The following AVEN variants were observed in gnomAD, a reference collection of about 807,000 sequenced individuals.
The protein encoded by AVEN is cell death regulator Aven.
A neutral mutation model predicts 38.1 loss-of-function variants in AVEN; 41 were observed. That is an observed-to-expected ratio of 1.08 (90% confidence interval 0.84 to 1.40). The LOEUF (loss-of-function observed/expected upper bound fraction) is 1.40, where lower values mean the gene tolerates loss of function less well. Among genes scored for constraint, AVEN ranks in the 40% most tolerant of loss-of-function variants. The probability of loss-of-function intolerance (pLI) is 0.00; values close to 1 mark genes in which losing one functional copy is unlikely to be tolerated. For synonymous variants in AVEN, 206 were observed against 171.8 expected, an observed-to-expected ratio of 1.20 and a Z score of -1.56; for missense variants, 605 against 438.8, an observed-to-expected ratio of 1.38 and a Z score of -3.38.
chr15:34,046,095 T>C (rs1899671451), intron 5 of AVEN, among the ~76,000 whole-genome samples: 2 of 152,240 alleles, frequency 1.3e-5, no homozygotes, highest in East Asian at 1.9e-4. Flanking sequence ...TAACCACTTA[T>C]ATTTCATTTG....
In AVEN at chr15:34,063,900, A is replaced by T. The variant is rs1246594524; in HGVS notation, n.1127-468T>A. On this transcript the variant is annotated intron_variant and non_coding_transcript_variant, in intron 4 of 11. Transcript: ENST00000675287. The surrounding 1 kb of genome is among the most constrained non-coding windows in gnomAD (Gnocchi z 4.1). ...AGCTGACGGGAACCAGGAGACCAAC[A>T]ATGGCTGTCACAAGGTGAAAATCAT... The T allele has an allele frequency of 6.2e-7, 1 of 1,614,074 alleles. No homozygotes were observed. The highest frequency in any genetic ancestry group is 8.5e-7 in the Non-Finnish European group (1 of 1,180,034).
At chr15:33,951,559 A>G (rs1235851967) in intron 2 of AVEN, among the ~76,000 whole-genome samples, 1 of 148,972 alleles carries the variant, frequency 6.7e-6, no homozygotes, top group Non-Finnish European at 1.5e-5. Context: ...CTTAAAGTAT[A>G]ATAAAAAAAA....
At chr15:33,889,560 T>TA (rs1319957560) in intron 2 of AVEN, among the ~76,000 whole-genome samples, 1 of 149,924 alleles carries the variant, frequency 6.7e-6, no homozygotes, top group Non-Finnish European at 1.5e-5. Context: ...TTCCCCCTCC[T>TA]ATTCAACCCA....
intron 3 of AVEN, among the ~76,000 whole-genome samples, chr15:33,874,209 C>A (rs922583916): frequency 1.3e-5 from 2 of 152,098 alleles, no homozygotes; most frequent in Non-Finnish European, 2.9e-5. Flanking sequence ...CTAATTTAGT[C>A]CTTCTTATAA....
chr15:33,859,839 C>G (rs918300994), intron 11 of AVEN: 1 of 1,234,298 alleles, frequency 8.1e-7, no homozygotes, highest in Non-Finnish European at 1.1e-6. Flanking sequence ...AATTCATTTA[C>G]TTGTTAATTT....
intron 5 of AVEN, among the ~76,000 whole-genome samples, chr15:34,052,261 C>G (rs1175090793): frequency 6.6e-6 from 1 of 152,156 alleles, no homozygotes; most frequent in African/African-American, 2.4e-5. Context: ...ATGATTATCT[C>G]CATAGATGCA....
At chr15:33,915,890 G>C (rs752353038) in intron 2 of AVEN, among the ~76,000 whole-genome samples, 9 of 152,090 alleles carry the variant, frequency 5.9e-5, no homozygotes, top group Non-Finnish European at 1.0e-4. Flanking sequence ...GTGGGAGCTG[G>C]GTAAGGGCTT....
chr15:33,958,354 T>C (rs1452230215), intron 2 of AVEN, among the ~76,000 whole-genome samples: 1 of 151,930 alleles, frequency 6.6e-6, no homozygotes, highest in Non-Finnish European at 1.5e-5. Context: ...CAGAGGTGGG[T>C]GGATCGCTTA....
intron 1 of AVEN, among the ~76,000 whole-genome samples, chr15:34,017,488 T>TTTG (rs1567469636): frequency 1.8e-4 from 14 of 77,458 alleles, no homozygotes; most frequent in African/African-American, 4.0e-4. Flanking sequence ...TTTTTTGTTT[T>TTTG]TTTTTTTTTT....
chr15:34,014,550 C>A (rs976618932), intron 1 of AVEN, among the ~76,000 whole-genome samples: 3 of 152,000 alleles, frequency 2.0e-5, no homozygotes, highest in Non-Finnish European at 4.4e-5. Context: ...TCCACAAAGT[C>A]CCAAAGATGA....
chr15:33,919,464 T>C (rs578161458), intron 2 of AVEN, among the ~76,000 whole-genome samples: 18 of 152,272 alleles, frequency 1.2e-4, no homozygotes, highest in East Asian at 3.9e-4. Flanking sequence ...TTATTAAAAG[T>C]AGAAATGCCC....
chr15:33,888,700 G>C lies in AVEN; in HGVS notation c.446-12705C>G, dbSNP rs72716842. 1.5e-3 allele frequency among the ~76,000 whole-genome samples: 222 copies of C among 152,118 alleles called. 2 individuals are homozygous for C. Among genetic ancestry groups the C allele is most frequent in the South Asian group, 2.1e-3 (10 of 4,812 alleles). The stretch of plus-strand genomic sequence containing the variant: ...TATTTAATATTTATTTATATCCAGT[G>C]TGATTAATATTAATTTTAAATTGCC... On this transcript the variant is annotated intron_variant, in intron 2 of 5. Transcript: ENST00000306730.
chr15:33,928,524 G>C (rs752551366), intron 2 of AVEN, among the ~76,000 whole-genome samples: 5 of 152,156 alleles, frequency 3.3e-5, no homozygotes, highest in African/African-American at 4.8e-5. Flanking sequence ...TAGTACAAGA[G>C]GTTGAGGCTG....
intron 2 of AVEN, among the ~76,000 whole-genome samples, chr15:33,967,268 T>A (rs1895425150): frequency 6.6e-6 from 1 of 152,146 alleles, no homozygotes; most frequent in South Asian, 2.1e-4. Context: ...AATTAAAGTG[T>A]ATACTTTGTC....
intron 2 of AVEN, among the ~76,000 whole-genome samples, chr15:33,973,999 A>G (rs1895760805): frequency 6.6e-6 from 1 of 152,244 alleles, no homozygotes; most frequent in Admixed American, 6.5e-5. Flanking sequence ...AAAGTAGTTT[A>G]TACTGAAATA....
intron 2 of AVEN, among the ~76,000 whole-genome samples, chr15:33,917,836 A>G (rs1748427769): frequency 6.6e-6 from 1 of 152,178 alleles, no homozygotes; most frequent in Admixed American, 6.5e-5. Context: ...GGTAAGGGAT[A>G]AGACTACACA....
At chr15:34,042,792 A>G (rs982160439), upstream of AVEN, among the ~76,000 whole-genome samples, 1 of 152,162 alleles carries the variant, frequency 6.6e-6, no homozygotes, top group African/African-American at 2.4e-5. Context: ...TCACCTGGGA[A>G]CTTGTTAGAA....
At position 34,039,053 on chromosome 15, in the gene AVEN, G is replaced by T. The variant is rs1220087643; in HGVS notation, c.-7C>A. 6 of 1,100,422 alleles carry T rather than the reference G, an allele frequency of 5.5e-6. No homozygotes were observed. Among genetic ancestry groups the T allele is most frequent in the Admixed American group, 5.2e-5 (1 of 19,340 alleles). The allele number at this position is 1,100,422 out of a possible 1,614,324, so 68.2% of individuals were successfully genotyped here. On this transcript the variant is annotated 5_prime_UTR_variant, in exon 1 of 6. Transcript: ENST00000306730. ...CTCCTCGCTCCGCCTGCATCTGGCC[G>T]CCGCTGGCGGTGCTGAGCGCGCGGG...
chr15:34,039,994 A>G (rs1899398326), upstream of AVEN, among the ~76,000 whole-genome samples: 2 of 152,316 alleles, frequency 1.3e-5, no homozygotes, highest in South Asian at 2.1e-4. Flanking sequence ...GACTGAAACC[A>G]CCTGAAAATA....
Sources: gnomAD v4.1 joint callset for allele counts (sites outside exome capture counted in the v4.1 genomes callset) on GRCh38, gnomAD v4.1.1 for gene constraint, Gnocchi (gnomAD v3.1) non-coding constraint, MANE v1.5 for transcripts, NCBI Gene and HGNC (gene_info 2026-07-23, HGNC 2026-07-21) for gene names.